The following NEBL variants were observed in gnomAD, a reference collection of about 807,000 sequenced individuals.
NEBL encodes LIM and SH3 protein 2.
NEBL carries 122 observed loss-of-function variants against 140.2 expected under a neutral mutation model. That is an observed-to-expected ratio of 0.87 (90% CI 0.75 to 1.01). The LOEUF (loss-of-function observed/expected upper bound fraction) is 1.01. Among genes scored for constraint, NEBL ranks in the 50% least tolerant of loss-of-function variants. The probability of loss-of-function intolerance (pLI) is 0.00; values close to 1 mark genes in which losing one functional copy is unlikely to be tolerated. For missense variants in NEBL, 1,365 were observed against 1,231.3 expected (o/e 1.11, Z -1.62); for synonymous variants, 436 against 398.9 (o/e 1.09, Z -1.11).
At chr10:20,833,156 C>A (rs1231251059) in intron 14 of NEBL, among the ~76,000 whole-genome samples, 1 of 152,248 alleles carries the variant, frequency 6.6e-6, no homozygotes, top group Non-Finnish European at 1.5e-5. Flanking sequence ...CAAAACACAC[C>A]AAAACTTAGC....
At chr10:20,921,691 A>C (rs184951449) in intron 4 of NEBL, among the ~76,000 whole-genome samples, 2 of 152,222 alleles carry the variant, frequency 1.3e-5, no homozygotes, top group Admixed American at 1.3e-4. Flanking sequence ...AAGTGGGTTT[A>C]CTTTGTTTCC....
At chr10:20,854,491 C>A (rs1265754476) in intron 9 of NEBL, among the ~76,000 whole-genome samples, 1 of 151,500 alleles carries the variant, frequency 6.6e-6, no homozygotes, top group Non-Finnish European at 1.5e-5. Context: ...TATGTTCCCC[C>A]AAACCTAACC....
chr10:21,020,254 A>T, intron 2 of NEBL: 1 of 1,453,560 alleles, frequency 6.9e-7, no homozygotes, highest in Non-Finnish European at 9.7e-7. Flanking sequence ...CTACAAAACA[A>T]CACTTTCACA....
At chr10:21,031,824 C>T (rs1393185475) in intron 2 of NEBL, among the ~76,000 whole-genome samples, 1 of 152,182 alleles carries the variant, frequency 6.6e-6, no homozygotes, top group Non-Finnish European at 1.5e-5. Flanking sequence ...TATACACATA[C>T]TCACTTTACT....
chr10:21,231,492 T>C (rs1842249536), intron 3 of NEBL, among the ~76,000 whole-genome samples: 1 of 151,550 alleles, frequency 6.6e-6, no homozygotes, highest in African/African-American at 2.4e-5. Flanking sequence ...TGAGCCGAGA[T>C]GGCGCCACTG....
chr10:21,226,227 A>G (rs1230744660), intron 3 of NEBL, among the ~76,000 whole-genome samples: 3 of 151,774 alleles, frequency 2.0e-5, no homozygotes, highest in African/African-American at 7.3e-5. Context: ...CTGGTGCTTT[A>G]TCCTACTGTG....
At chr10:20,965,007 T>A (rs1178437565) in intron 3 of NEBL, among the ~76,000 whole-genome samples, 1 of 152,246 alleles carries the variant, frequency 6.6e-6, no homozygotes, top group Non-Finnish European at 1.5e-5. Flanking sequence ...AAATTTCTCA[T>A]TGACTTCTAT....
rs113310195 is a variant in NEBL, at chr10:20,970,648, T to TA, written c.250-8870dup. Among the ~76,000 whole-genome samples, 241 of 146,968 alleles carry TA rather than the reference T, an allele frequency of 1.6e-3. 3 individuals are homozygous for TA. The highest frequency in any genetic ancestry group is 0.01 in the East Asian group (51 of 5,068). ...TGGAAAACAGAGCGAGACCTCATCT[T>TA]AAAAAAAAAAAATTAATAGAATATA... is the stretch of plus-strand genomic sequence containing the variant. On this transcript the variant is annotated intron_variant, in intron 3 of 6. Transcript: ENST00000417816.
intron 3 of NEBL, among the ~76,000 whole-genome samples, chr10:21,242,415 G>A (rs544571568): frequency 3.3e-5 from 5 of 152,200 alleles, no homozygotes; most frequent in East Asian, 1.9e-4. Context: ...GGAGCTAAAC[G>A]TTGAAAATAC....
intron 2 of NEBL, among the ~76,000 whole-genome samples, chr10:21,036,990 G>C (rs1017696112): frequency 1.3e-5 from 2 of 152,108 alleles, no homozygotes; most frequent in African/African-American, 2.4e-5. Flanking sequence ...CTCCACCGTA[G>C]CTGTTCCCAC....
chr10:21,231,868 GA>G (rs370514373), intron 3 of NEBL, among the ~76,000 whole-genome samples: 6,120 of 151,976 alleles, frequency 0.04, 191 homozygotes, highest in South Asian at 0.14. Context: ...GGACACTTCA[GA>G]AAAAAAACTT....
intron 2 of NEBL, among the ~76,000 whole-genome samples, chr10:21,143,239 AG>A (rs1839727064): frequency 6.6e-6 from 1 of 152,082 alleles, no homozygotes; most frequent in Non-Finnish European, 1.5e-5. Context: ...ACTTGAAGTC[AG>A]GGGTTTGAGA....
intron 26 of NEBL, among the ~76,000 whole-genome samples, chr10:20,807,579 C>T (rs1706536220): frequency 6.6e-6 from 1 of 152,176 alleles, no homozygotes; most frequent in African/African-American, 2.4e-5. Flanking sequence ...AAACTAATTA[C>T]ACAATTATAC....
chr10:21,087,544 C>T (rs887850687), intron 2 of NEBL, among the ~76,000 whole-genome samples: 7 of 152,196 alleles, frequency 4.6e-5, no homozygotes, highest in African/African-American at 1.7e-4. Context: ...CAATCCACCT[C>T]TCCTAATTGG....
chr10:21,206,787 G>T (rs1005209306), intron 3 of NEBL, among the ~76,000 whole-genome samples: 11 of 152,152 alleles, frequency 7.2e-5, no homozygotes, highest in African/African-American at 2.6e-4. Flanking sequence ...TGAAGAAGCT[G>T]TATTCCCACG....
At chr10:21,078,945 G>A (rs1836238645) in intron 2 of NEBL, among the ~76,000 whole-genome samples, 3 of 152,174 alleles carry the variant, frequency 2.0e-5, no homozygotes, top group African/African-American at 2.4e-5. Context: ...AAGCACGTGC[G>A]GCTCCTGCCC....
At chr10:20,904,863 G>T (rs1848023809) in intron 4 of NEBL, among the ~76,000 whole-genome samples, 1 of 152,242 alleles carries the variant, frequency 6.6e-6, no homozygotes, top group African/African-American at 2.4e-5. Flanking sequence ...CAGAAAGAGA[G>T]CAGGCTTGAT....
At chr10:21,123,344 G>A (rs936502492) in intron 2 of NEBL, among the ~76,000 whole-genome samples, 3 of 152,166 alleles carry the variant, frequency 2.0e-5, no homozygotes, top group Non-Finnish European at 2.9e-5. Context: ...TTGGCAAATA[G>A]ACTAAACTAC....
intron 3 of NEBL, among the ~76,000 whole-genome samples, chr10:21,001,381 G>C (rs1837892691): frequency 6.6e-6 from 1 of 152,152 alleles, no homozygotes; most frequent in South Asian, 2.1e-4. Context: ...AACACAGCCA[G>C]AGTTCTTCCT....
Sources: gnomAD v4.1 joint callset for allele counts (sites outside exome capture counted in the v4.1 genomes callset) on GRCh38, gnomAD v4.1.1 for gene constraint, MANE v1.5 for transcripts, NCBI Gene and HGNC (gene_info 2026-07-23, HGNC 2026-07-21) for gene names.